The following PIBF1 variants were observed in gnomAD, a reference collection of about 807,000 sequenced individuals.
PIBF1 encodes progesterone-induced-blocking factor 1.
Under a neutral mutation model 112.5 loss-of-function variants are expected in PIBF1, and 90 were observed. That is an observed-to-expected ratio of 0.80 (90% CI 0.67 to 0.95). The LOEUF (loss-of-function observed/expected upper bound fraction) is 0.95, where lower values mean the gene tolerates loss of function less well. PIBF1 is among the 40% of genes least tolerant of loss of function. The probability of loss-of-function intolerance (pLI) is 0.00; values close to 1 mark genes in which losing one functional copy is unlikely to be tolerated. For synonymous variants in PIBF1, 301 were observed against 288.6 expected (o/e 1.04, Z -0.44); for missense variants, 915 against 852.3 (o/e 1.07, Z -0.92).
intron 10 of PIBF1, among the ~76,000 whole-genome samples, chr13:72,863,991 A>G (rs925902128): frequency 4.6e-5 from 7 of 152,236 alleles, no homozygotes; most frequent in African/African-American, 2.4e-5. Flanking sequence ...AATAAAAAGC[A>G]TGCTGAACAG....
At chr13:72,795,288 A>G in intron 3 of PIBF1, 71 bp from the exon 4 acceptor site, 1 of 934,182 alleles carries the variant, frequency 1.1e-6, no homozygotes, top group Non-Finnish European at 1.7e-6. Flanking sequence ...GTTGATATAA[A>G]TAGGAAACTG....
At chr13:72,838,864 T>G (rs953653504) in intron 9 of PIBF1, among the ~76,000 whole-genome samples, 5 of 152,166 alleles carry the variant, frequency 3.3e-5, no homozygotes, top group African/African-American at 1.2e-4. Context: ...GGAATGAATA[T>G]ATAGCATATA....
At chr13:72,841,121 T>C (rs1490888711) in intron 9 of PIBF1, among the ~76,000 whole-genome samples, 1 of 152,208 alleles carries the variant, frequency 6.6e-6, no homozygotes, top group African/African-American at 2.4e-5. Context: ...ACATCAAACA[T>C]ACTGTAGTTG....
chr13:72,926,109 G>A (rs4885051), intron 13 of PIBF1, among the ~76,000 whole-genome samples: 41,462 of 151,978 alleles, frequency 0.27, 6,820 homozygotes, highest in East Asian at 0.47. Context: ...TATCATATGA[G>A]GTAAGGGCTT....
chr13:72,994,176 A>G (rs2043574270), intron 16 of PIBF1, among the ~76,000 whole-genome samples: 1 of 152,078 alleles, frequency 6.6e-6, no homozygotes, highest in African/African-American at 2.4e-5. Context: ...AGGGAGAGAA[A>G]GAGAGGGAAG....
chr13:72,892,642 C>T (rs2040099692), intron 10 of PIBF1, among the ~76,000 whole-genome samples: 1 of 152,038 alleles, frequency 6.6e-6, no homozygotes, highest in African/African-American at 2.4e-5. Context: ...GGTTCTTCAT[C>T]TGCAAAATAC....
At position 73,016,001 on chromosome 13, in the gene PIBF1, G is replaced by A. The variant is rs905464734; in HGVS notation, c.*82G>A. The A allele has an allele frequency of 3.8e-5, 25 of 655,252 alleles. No homozygotes were observed. The South Asian group carries it at 4.6e-4, about 12-fold the overall frequency. The allele number at this position is 655,252 out of a possible 1,614,324, so 40.6% of individuals were successfully genotyped here. A position where few individuals can be genotyped will look rare whatever the true frequency, so the allele number is the denominator to read the frequency against. ...ATGGAAAACAAAATTCAGCTTAATC[G>A]TGTACTCAGCATTTTTTAAATAACA... On this transcript the variant is annotated 3_prime_UTR_variant, in exon 18 of 18. Transcript: ENST00000326291.
intron 8 of PIBF1, among the ~76,000 whole-genome samples, chr13:72,834,813 A>C (rs1036070862): frequency 1.3e-5 from 2 of 152,162 alleles, no homozygotes; most frequent in Non-Finnish European, 2.9e-5. Flanking sequence ...CTTGGAAGCA[A>C]AGGATTCATA....
intron 2 of PIBF1, 84 bp downstream of exon 2, chr13:72,783,805 C>A: frequency 8.4e-7 from 1 of 1,189,002 alleles, no homozygotes; most frequent in Non-Finnish European, 1.2e-6. Flanking sequence ...CACACATTAT[C>A]TGAACTTGAA....
At chr13:72,887,374 AC>A (rs2039899042) in intron 10 of PIBF1, among the ~76,000 whole-genome samples, 1 of 151,880 alleles carries the variant, frequency 6.6e-6, no homozygotes, top group Non-Finnish European at 1.5e-5. Context: ...AAACTTGTAT[AC>A]TTTTTGTTTT....
intron 4 of PIBF1, among the ~76,000 whole-genome samples, chr13:72,795,977 A>C (rs2035172460): frequency 1.3e-5 from 2 of 152,220 alleles, no homozygotes; most frequent in South Asian, 4.1e-4. Context: ...ACACAAATCT[A>C]GAACACCTAG....
intron 16 of PIBF1, among the ~76,000 whole-genome samples, chr13:72,989,186 A>C (rs2043395327): frequency 6.6e-6 from 1 of 152,248 alleles, no homozygotes; most frequent in Non-Finnish European, 1.5e-5. Flanking sequence ...CATACAACCC[A>C]GCAGCTCTAT....
intron 13 of PIBF1, among the ~76,000 whole-genome samples, chr13:72,929,274 G>T (rs1198317892): frequency 1.3e-5 from 2 of 152,146 alleles, no homozygotes; most frequent in Non-Finnish European, 2.9e-5. Context: ...GGAATCAACG[G>T]ATTTTAAATG....
At chr13:72,932,173 G>C (rs2041731751) in intron 14 of PIBF1, among the ~76,000 whole-genome samples, 1 of 151,708 alleles carries the variant, frequency 6.6e-6, no homozygotes, top group African/African-American at 2.4e-5. Flanking sequence ...AGAACTTCTG[G>C]GCTCAAGCGA....
chr13:72,936,637 G>A (rs1200889639), intron 14 of PIBF1, among the ~76,000 whole-genome samples: 1 of 152,138 alleles, frequency 6.6e-6, no homozygotes, highest in Non-Finnish European at 1.5e-5. Context: ...TCGACTCTCT[G>A]TTCCAGTTAT....
chr13:72,952,857 C>T (rs2042339418), intron 14 of PIBF1, among the ~76,000 whole-genome samples: 1 of 144,696 alleles, frequency 6.9e-6, no homozygotes. Flanking sequence ...TCTCATGAAG[C>T]TTCTCTCATT....
chr13:72,991,846 G>A (rs192028348), intron 16 of PIBF1, among the ~76,000 whole-genome samples: 399 of 152,140 alleles, frequency 2.6e-3, no homozygotes, highest in Non-Finnish European at 4.3e-3. Flanking sequence ...AGCCTCCCGA[G>A]TAGTTGGGAC....
At chr13:73,011,459 T>C (rs2044200777) in intron 17 of PIBF1, among the ~76,000 whole-genome samples, 1 of 152,168 alleles carries the variant, frequency 6.6e-6, no homozygotes, top group Non-Finnish European at 1.5e-5. Context: ...TTGAAATATG[T>C]TAGAGAACTC....
At chr13:72,790,421 T>TCTCACACACACA in intron 2 of PIBF1, among the ~76,000 whole-genome samples, 1 of 135,642 alleles carries the variant, frequency 7.4e-6, no homozygotes, top group African/African-American at 2.9e-5. Context: ...GAGGAGTCCA[T>TCTCACACACACA]CACACACACA....
Sources: gnomAD v4.1 joint callset for allele counts (sites outside exome capture counted in the v4.1 genomes callset) on GRCh38, gnomAD v4.1.1 for gene constraint, MANE v1.5 for transcripts, NCBI Gene and HGNC (gene_info 2026-07-23, HGNC 2026-07-21) for gene names.